IRF2: variants seen among roughly 807,000 people sequenced by gnomAD.
IRF2 encodes interferon regulatory factor 2.
In IRF2, 15 loss-of-function variants were observed where a neutral mutation model predicts 40.6. That is an observed-to-expected ratio of 0.37 (90% confidence interval 0.25 to 0.57). The LOEUF is 0.57. Ranked by LOEUF, IRF2 falls within the 20% of genes least tolerant of loss-of-function variation. IRF2 has a pLI of 0.77. For missense variants in IRF2, 317 were observed against 455.7 expected (o/e 0.70, Z 2.77); for synonymous variants, 151 against 165.5 (o/e 0.91, Z 0.67).
intron 7 of IRF2, among the ~76,000 whole-genome samples, chr4:184,393,777 C>A (rs1214814680): frequency 6.6e-6 from 1 of 152,144 alleles, no homozygotes; most frequent in Non-Finnish European, 1.5e-5. Context: ...GCCTTCAGTA[C>A]CTTAGCTTAG....
chr4:184,399,419 GCCAGACATGA>G (rs1736588921), intron 6 of IRF2, among the ~76,000 whole-genome samples: 1 of 152,184 alleles, frequency 6.6e-6, no homozygotes, highest in South Asian at 2.1e-4. Flanking sequence ...CAGCCCCAGG[GCCAGACATGA>G]CAGTACTTTG....
chr4:184,398,655 CAA>C (rs755314172), intron 7 of IRF2, among the ~76,000 whole-genome samples: 14 of 146,916 alleles, frequency 9.5e-5, no homozygotes, highest in African/African-American at 3.6e-4. Context: ...GACTCTGTCT[CAA>C]AAAAAAAAAA....
intron 1 of IRF2, among the ~76,000 whole-genome samples, chr4:184,433,882 G>A (rs547045520): frequency 1.7e-4 from 26 of 152,298 alleles, no homozygotes; most frequent in Non-Finnish European, 3.2e-4. Flanking sequence ...GAGGGTGAGC[G>A]TACATCTTTA....
chr4:184,419,213 C>T (rs1737391527), intron 3 of IRF2, among the ~76,000 whole-genome samples: 1 of 152,044 alleles, frequency 6.6e-6, no homozygotes, highest in African/African-American at 2.4e-5. Flanking sequence ...GTTTCTATTC[C>T]CCGGTAACAC....
At position 184,387,821 on chromosome 4, in the gene IRF2, T is replaced by TAAA. The variant is rs3832301; in HGVS notation, c.*934_*936dup. ...AAAGCTTTTTTCACCTTTACAAAAT[T>TAAA]AAAAAAAAAAATGTGCCACAAGGAT... On this transcript the variant is annotated 3_prime_UTR_variant, in exon 9 of 9. Transcript: ENST00000393593. 2 of 148,628 alleles carry TAAA rather than the reference T, an allele frequency of 1.3e-5. No homozygotes were observed. The highest frequency in any genetic ancestry group is 2.5e-5 in the African/African-American group (1 of 40,368). 9.2% of individuals were successfully genotyped at this position (148,628 alleles called of 1,614,324 possible).
At chr4:184,423,253 G>A (rs993557380) in intron 2 of IRF2, among the ~76,000 whole-genome samples, 2 of 152,206 alleles carry the variant, frequency 1.3e-5, no homozygotes, top group African/African-American at 4.8e-5. Context: ...TACATGCTGT[G>A]TATAGACAGA....
Position 184,429,078 on chromosome 4 carries a change from G to A in IRF2, c.-6-8C>T. On this transcript the variant is annotated splice_region_variant and splice_polypyrimidine_tract_variant and intron_variant, in intron 1 of 8. Coordinates refer to ENST00000393593, the MANE Select transcript of IRF2 (RefSeq NM_002199.4). ...TTCCACCGGCATGGTGCCCTTGAGG[G>A]AGAGAAACACAGCGTCAGGCGTTGG... The A allele has an allele frequency of 6.2e-7, 1 of 1,610,972 alleles. No individual in the cohort carries two copies. The highest frequency in any genetic ancestry group is 8.5e-7 in the Non-Finnish European group (1 of 1,177,634).
At chr4:184,455,481 TC>T (rs1446745141) in intron 1 of IRF2, among the ~76,000 whole-genome samples, 6 of 151,188 alleles carry the variant, frequency 4.0e-5, no homozygotes, top group African/African-American at 1.5e-4. Context: ...GCTTACAGCT[TC>T]AGGTACTTGG....
intron 3 of IRF2, among the ~76,000 whole-genome samples, chr4:184,419,089 T>C (rs1311404777): frequency 2.6e-5 from 4 of 152,148 alleles, no homozygotes; most frequent in Non-Finnish European, 5.9e-5. Flanking sequence ...TCCAACAAAG[T>C]CCATTCCTGT....
At chr4:184,407,586 G>A (rs942105515) in intron 6 of IRF2, among the ~76,000 whole-genome samples, 4 of 152,176 alleles carry the variant, frequency 2.6e-5, no homozygotes, top group African/African-American at 9.7e-5. Context: ...ACCACACATG[G>A]TAACACTGCA....
chr4:184,435,209 G>A (rs1321393239), intron 1 of IRF2, among the ~76,000 whole-genome samples: 1 of 152,136 alleles, frequency 6.6e-6, no homozygotes, highest in Non-Finnish European at 1.5e-5. Flanking sequence ...AAACACCCAG[G>A]CTTATCCACT....
At chr4:184,418,731 A>C in intron 3 of IRF2, 23 bp from the exon 4 acceptor site, 3 of 1,586,524 alleles carry the variant, frequency 1.9e-6, no homozygotes, top group Non-Finnish European at 2.6e-6. Flanking sequence ...ACAAAGATTA[A>C]GAAAAAGAGA....
intron 5 of IRF2, among the ~76,000 whole-genome samples, chr4:184,417,123 G>C (rs959474083): frequency 3.9e-5 from 6 of 152,136 alleles, no homozygotes; most frequent in Admixed American, 6.5e-5. Flanking sequence ...CATGTTAGAA[G>C]TCAGGAAATG....
chr4:184,463,425 G>A (rs1426960510), intron 1 of IRF2, among the ~76,000 whole-genome samples: 2 of 152,094 alleles, frequency 1.3e-5, no homozygotes, highest in Non-Finnish European at 2.9e-5. Flanking sequence ...TAGGTGCAAA[G>A]GACACATTGG....
chr4:184,456,890 A>C (rs1561126424), intron 1 of IRF2, among the ~76,000 whole-genome samples: 1 of 152,244 alleles, frequency 6.6e-6, no homozygotes, highest in Non-Finnish European at 1.5e-5. Context: ...CCACAGGAAT[A>C]TCTAGGCCTT....
rs200593443 is a variant in IRF2 at position 184,460,665 on chromosome 4, GCA to G, written c.-7+13712_-7+13713del. Among the ~76,000 whole-genome samples, 81 of 110,436 alleles carry G rather than the reference GCA, an allele frequency of 7.3e-4. 1 individual carries two copies. The highest frequency in any genetic ancestry group is 1.8e-3 in the South Asian group (6 of 3,322). 72.5% of individuals were successfully genotyped at this position (110,436 alleles called of 152,430 possible). On this transcript the variant is annotated intron_variant, in intron 1 of 8. Coordinates refer to ENST00000393593, the MANE Select transcript of IRF2 (RefSeq NM_002199.4). ...CGCACACACACACACACATGCACGC[GCA>G]CACACACACACATGCACGCACACAC...
chr4:184,407,151 G>T, intron 6 of IRF2: 2 of 1,280,680 alleles, frequency 1.6e-6, no homozygotes, highest in Non-Finnish European at 1.0e-6. Flanking sequence ...CCGGGAGATG[G>T]TTTAAATACA....
At chr4:184,391,044 C>G (rs1213073389) in intron 7 of IRF2, among the ~76,000 whole-genome samples, 1 of 152,254 alleles carries the variant, frequency 6.6e-6, no homozygotes, top group Non-Finnish European at 1.5e-5. Flanking sequence ...CACTGCAGCT[C>G]TGTCCACAAT....
intron 1 of IRF2, among the ~76,000 whole-genome samples, chr4:184,456,579 C>A (rs915907112): frequency 6.6e-6 from 1 of 152,266 alleles, no homozygotes; most frequent in Non-Finnish European, 1.5e-5. Flanking sequence ...GCGGAGGAAA[C>A]CCCTCGGTCC....
Sources: gnomAD v4.1 joint callset for allele counts (sites outside exome capture counted in the v4.1 genomes callset) on GRCh38, gnomAD v4.1.1 for gene constraint, MANE v1.5 for transcripts, NCBI Gene and HGNC (gene_info 2026-07-23, HGNC 2026-07-21) for gene names.